NKAIN2: variants seen among roughly 807,000 people sequenced by gnomAD.
The protein encoded by NKAIN2 is sodium/potassium-transporting ATPase subunit beta-1-interacting protein 2.
Under a neutral mutation model 32.6 loss-of-function variants are expected in NKAIN2, and 14 were observed. The ratio of observed to expected loss-of-function variants is 0.43; its 90% CI spans 0.28 to 0.67. The LOEUF is 0.67. NKAIN2 is among the 30% of genes least tolerant of loss of function. NKAIN2 has a pLI of 0.17. For synonymous variants in NKAIN2, 80 were observed against 87.2 expected (o/e 0.92, Z 0.46); for missense variants, 198 against 258.3 (o/e 0.77, Z 1.60).
At chr6:123,939,999 G>A (rs993017940) in intron 1 of NKAIN2, among the ~76,000 whole-genome samples, 1 of 151,864 alleles carries the variant, frequency 6.6e-6, no homozygotes, top group Non-Finnish European at 1.5e-5. Flanking sequence ...GTGTTTTCTG[G>A]TAGCAGGTCT....
At chr6:124,346,294 A>T (rs1355428711) in intron 2 of NKAIN2, among the ~76,000 whole-genome samples, 2 of 152,128 alleles carry the variant, frequency 1.3e-5, no homozygotes, top group Non-Finnish European at 2.9e-5. Context: ...GTGGTGCTGA[A>T]AAAAATGTAT....
intron 4 of NKAIN2, among the ~76,000 whole-genome samples, chr6:124,783,793 C>T (rs942469217): frequency 6.6e-6 from 1 of 152,140 alleles, no homozygotes; most frequent in African/African-American, 2.4e-5. Flanking sequence ...TGAAAAAGAG[C>T]AAGTAAAAAT....
chr6:124,300,805 T>C (rs1298930765), intron 2 of NKAIN2, among the ~76,000 whole-genome samples: 2 of 152,128 alleles, frequency 1.3e-5, no homozygotes, highest in South Asian at 2.1e-4. Context: ...AACTTTTAAA[T>C]TGAAAGAGAT....
Position 123,841,069 on chromosome 6 carries a change from A to T in NKAIN2, c.54+36815A>T, listed in dbSNP as rs144951663. Among the ~76,000 whole-genome samples the T allele has an allele frequency of 2.1e-3, 319 of 152,248 alleles. 5 individuals are homozygous for T. Among genetic ancestry groups the T allele is most frequent in the African/African-American group, 7.5e-3 (310 of 41,562 alleles). On this transcript the variant is annotated intron_variant, in intron 1 of 6. Coordinates refer to ENST00000368417, the MANE Select transcript of NKAIN2 (RefSeq NM_001040214.3). Reference sequence around the variant, plus strand: ...CTGATACAAATGTCCAAACTCAGGTACTTTTGAACTATAGCACAACTGTTA... The same window carrying T: ...CTGATACAAATGTCCAAACTCAGGTTCTTTTGAACTATAGCACAACTGTTA...
intron 1 of NKAIN2, among the ~76,000 whole-genome samples, chr6:124,014,045 A>C (rs1780459194): frequency 6.6e-6 from 1 of 152,214 alleles, no homozygotes; most frequent in South Asian, 2.1e-4. Flanking sequence ...TAGGTGTGTA[A>C]TAATTTGCTG....
At chr6:124,015,759 A>T (rs1341239136) in intron 1 of NKAIN2, among the ~76,000 whole-genome samples, 1 of 152,300 alleles carries the variant, frequency 6.6e-6, no homozygotes, top group Admixed American at 6.5e-5. Flanking sequence ...ATACGCTCAT[A>T]TAAGAGTCAG....
intron 3 of NKAIN2, among the ~76,000 whole-genome samples, chr6:124,532,067 T>A (rs2114823191): frequency 6.6e-6 from 1 of 152,284 alleles, no homozygotes; most frequent in Middle Eastern, 3.4e-3. Flanking sequence ...GTCCCTCAGG[T>A]GAAGGATGTA....
At chr6:124,334,085 A>T (rs1797771901) in intron 2 of NKAIN2, among the ~76,000 whole-genome samples, 1 of 152,194 alleles carries the variant, frequency 6.6e-6, no homozygotes, top group Non-Finnish European at 1.5e-5. Flanking sequence ...TGTGGTATGC[A>T]TTTAAATACA....
chr6:124,273,362 C>G (rs1259431646), intron 1 of NKAIN2, among the ~76,000 whole-genome samples: 1 of 152,142 alleles, frequency 6.6e-6, no homozygotes, highest in Non-Finnish European at 1.5e-5. Context: ...TGCTATCTCT[C>G]TCCTGCTGCC....
intron 1 of NKAIN2, among the ~76,000 whole-genome samples, chr6:123,913,755 G>A (rs921821793): frequency 6.6e-6 from 1 of 151,998 alleles, no homozygotes; most frequent in African/African-American, 2.4e-5. Context: ...GACCATATTG[G>A]AGATAATTCA....
chr6:124,737,282 A>G (rs766171468), intron 4 of NKAIN2, among the ~76,000 whole-genome samples: 14 of 151,810 alleles, frequency 9.2e-5, no homozygotes, highest in Non-Finnish European at 2.1e-4. Context: ...TGTTCTTGTG[A>G]TAAGTCAATG....
At position 124,807,826 on chromosome 6, in the gene NKAIN2, C is replaced by A. The variant is rs889493782; in HGVS notation, c.536-10561C>A. Among the ~76,000 whole-genome samples the A allele has an allele frequency of 6.0e-5, 9 of 150,342 alleles. 1 individual carries two copies. The highest frequency in any genetic ancestry group is 1.9e-4 in the African/African-American group (8 of 41,232). On this transcript the variant is annotated intron_variant, in intron 5 of 6. Transcript: ENST00000368417. The stretch of plus-strand genomic sequence containing the variant: ...TATCACCACTGATCCCACAGAAATA[C>A]AAACTACCGTCAGAGAATACTACAA...
At chr6:124,368,698 A>G (rs572668177) in intron 3 of NKAIN2, among the ~76,000 whole-genome samples, 48 of 152,292 alleles carry the variant, frequency 3.2e-4, no homozygotes, top group African/African-American at 1.1e-3. Context: ...CTGTCTTCAC[A>G]AGATGATCTG....
intron 1 of NKAIN2, among the ~76,000 whole-genome samples, chr6:123,841,179 G>GC (rs1774852631): frequency 6.6e-6 from 1 of 152,182 alleles, no homozygotes; most frequent in African/African-American, 2.4e-5. Context: ...AGAAAAAGAA[G>GC]CTTAAACATC....
At chr6:124,711,577 C>G (rs1239009087) in intron 4 of NKAIN2, among the ~76,000 whole-genome samples, 11 of 150,752 alleles carry the variant, frequency 7.3e-5, no homozygotes, top group Non-Finnish European at 1.3e-4. Context: ...TTTCATCTTC[C>G]ATTGCTGATA....
intron 1 of NKAIN2, among the ~76,000 whole-genome samples, chr6:124,262,981 C>A (rs930424217): frequency 1.3e-5 from 2 of 152,118 alleles, no homozygotes; most frequent in African/African-American, 4.8e-5. Flanking sequence ...AGGGATATTA[C>A]AAGTATTAAA....
In NKAIN2 at chr6:123,937,782, A is replaced by T. The variant is rs1341066106; in HGVS notation, c.54+133528A>T. Reference sequence around the variant, plus strand: ...TGTTTGGGGTATCAATGTGAGCAGCACAAGCAATGAACTGTTATCTAGCTC... The same window carrying T: ...TGTTTGGGGTATCAATGTGAGCAGCTCAAGCAATGAACTGTTATCTAGCTC... On this transcript the variant is annotated intron_variant, in intron 1 of 6. Coordinates refer to ENST00000368417, the MANE Select transcript of NKAIN2 (RefSeq NM_001040214.3). 3.9e-5 allele frequency among the ~76,000 whole-genome samples: 6 copies of T among 152,220 alleles called. 1 individual carries two copies. In the South Asian group the frequency reaches 8.3e-4, roughly 21 times the overall value.
At chr6:124,674,914 G>A (rs116210736) in intron 4 of NKAIN2, among the ~76,000 whole-genome samples, 2,360 of 151,856 alleles carry the variant, frequency 0.016, 66 homozygotes, top group African/African-American at 0.054. Context: ...GGCAAGAGTG[G>A]GCATCCTTGC....
rs141354230 is a variant in NKAIN2 at position 123,962,388 on chromosome 6, C to T, written c.54+158134C>T. On this transcript the variant is annotated intron_variant, in intron 1 of 6. Transcript: ENST00000368417. ...ACTATCATCATTTCAAAGATGGACACGATTCTATTTCCTTATCTGCTTGCA... is the reference window on the plus strand; with the variant it reads ...ACTATCATCATTTCAAAGATGGACATGATTCTATTTCCTTATCTGCTTGCA... 3.1e-4 allele frequency among the ~76,000 whole-genome samples: 47 copies of T among 152,244 alleles called. No homozygotes were observed. The East Asian group carries it at 6.0e-3, about 19-fold the overall frequency.
Sources: gnomAD v4.1 joint callset for allele counts (sites outside exome capture counted in the v4.1 genomes callset) on GRCh38, gnomAD v4.1.1 for gene constraint, MANE v1.5 for transcripts, NCBI Gene and HGNC (gene_info 2026-07-23, HGNC 2026-07-21) for gene names.